The following MTPAP variants were observed in gnomAD, a reference collection of about 807,000 sequenced individuals.
MTPAP encodes poly(A) RNA polymerase, mitochondrial.
A neutral mutation model predicts 48.7 loss-of-function variants in MTPAP; 23 were observed. That is an observed-to-expected ratio of 0.47 (90% confidence interval 0.34 to 0.67). The LOEUF (loss-of-function observed/expected upper bound fraction) is 0.67, where lower values mean the gene tolerates loss of function less well. Among genes scored for constraint, MTPAP ranks in the 30% least tolerant of loss-of-function variants. The probability of loss-of-function intolerance (pLI) is 0.01; values close to 1 mark genes in which losing one functional copy is unlikely to be tolerated. For missense variants in MTPAP, 614 were observed against 694.3 expected (o/e 0.88, Z 1.30); for synonymous variants, 257 against 254.1 (o/e 1.01, Z -0.11).
At chr10:30,319,978 G>C (rs1840702716) in intron 6 of MTPAP, among the ~76,000 whole-genome samples, 1 of 152,174 alleles carries the variant, frequency 6.6e-6, no homozygotes, top group African/African-American at 2.4e-5. Flanking sequence ...TGTAGATTTG[G>C]AATTAAAAAC....
chr10:30,325,506 G>A (rs1834574737), intron 5 of MTPAP, among the ~76,000 whole-genome samples: 1 of 152,160 alleles, frequency 6.6e-6, no homozygotes. Context: ...CAGCACTCTA[G>A]GAGGCCAAAG....
At chr10:30,317,971 C>A (rs1274719673) in intron 6 of MTPAP, among the ~76,000 whole-genome samples, 2 of 152,250 alleles carry the variant, frequency 1.3e-5, no homozygotes, top group East Asian at 1.9e-4. Flanking sequence ...GATTCTCCTG[C>A]CCCAGCCTCC....
intron 4 of MTPAP, among the ~76,000 whole-genome samples, chr10:30,329,772 GAA>G (rs375054585): frequency 1.4e-5 from 2 of 147,050 alleles, no homozygotes; most frequent in Non-Finnish European, 3.0e-5. Context: ...CTGAAAGAGG[GAA>G]AAAAAAAAGA....
At chr10:30,347,522 A>G (rs1834886762) in intron 1 of MTPAP, among the ~76,000 whole-genome samples, 1 of 152,282 alleles carries the variant, frequency 6.6e-6, no homozygotes, top group Non-Finnish European at 1.5e-5. Context: ...TTCTAATGAC[A>G]CAAAATGAAA....
Position 30,322,373 on chromosome 10 carries a change from G to T in MTPAP, c.1219+18C>A. On this transcript the variant is annotated intron_variant, in intron 6 of 8. Transcript: ENST00000263063. ...AACATTGGAAAAAGAAAATGGAGAA[G>T]TTTCTTTCTAGTCTTACCTGCTAGG... 1 of 1,535,696 alleles carries T rather than the reference G, an allele frequency of 6.5e-7. No homozygotes were observed. The highest frequency in any genetic ancestry group is 9.0e-7 in the Non-Finnish European group (1 of 1,108,886).
intron 6 of MTPAP, among the ~76,000 whole-genome samples, chr10:30,321,542 A>G (rs893205433): frequency 1.3e-5 from 2 of 152,234 alleles, no homozygotes; most frequent in African/African-American, 4.8e-5. Flanking sequence ...GAAATGTTCC[A>G]AGGGTAATCA....
In MTPAP at chr10:30,341,644, T is replaced by A. The variant is rs746301548; in HGVS notation, c.158-4A>T. ...TTGGGAATCTTGTCTTCAAAGCCTA[T>A]GAACGAGACAAAAACATTTCCACCA... On this transcript the variant is annotated splice_region_variant and splice_polypyrimidine_tract_variant and intron_variant, in intron 1 of 8. Transcript: ENST00000263063. The A allele has an allele frequency of 3.1e-6, 5 of 1,613,832 alleles. No homozygotes were observed. The highest frequency in any genetic ancestry group is 4.2e-6 in the Non-Finnish European group (5 of 1,179,994).
intron 3 of MTPAP, chr10:30,339,860 A>C (rs1164313574): frequency 8.4e-6 from 2 of 239,148 alleles, no homozygotes; most frequent in African/African-American, 4.5e-5. Context: ...TGACATGAGG[A>C]AATCTACAGT....
At chr10:30,340,025 G>C (rs1475350337) in intron 3 of MTPAP, 1 of 593,668 alleles carries the variant, frequency 1.7e-6, no homozygotes, top group African/African-American at 1.9e-5. Context: ...GACATTCTTA[G>C]AAAGCTAGAA....
At chr10:30,319,405 A>T (rs1240477580) in intron 6 of MTPAP, among the ~76,000 whole-genome samples, 1 of 152,228 alleles carries the variant, frequency 6.6e-6, no homozygotes, top group Non-Finnish European at 1.5e-5. Context: ...CAAATTGATT[A>T]TTTGTATATC....
intron 1 of MTPAP, among the ~76,000 whole-genome samples, chr10:30,341,915 C>T (rs902581280): frequency 3.3e-5 from 5 of 152,234 alleles, no homozygotes; most frequent in African/African-American, 1.2e-4. Flanking sequence ...TATGATAAGG[C>T]TTAATTTATA....
Position 30,313,880 on chromosome 10 carries a change from C to T in MTPAP, c.1478G>A (p.Ser493Asn), listed in dbSNP as rs1388559021. The change falls in exon 9 of 9, where the codon AGC becomes AAC. Residue 493 changes from serine to asparagine, a missense_variant. This residue lies in a region of MTPAP where 109 missense variants were observed against 100.5 expected (regional missense o/e 1.08). Transcript: ENST00000263063. ...SLNISKNVSQSQLQKFVDLAR... is the reference protein window; with the variant it reads ...SLNISKNVSQNQLQKFVDLAR... ...CAAATCTACAAATTTTTGCAGCTGG[C>T]TTTGACTTACATTTTTGCTTATGTT... The T allele has an allele frequency of 6.2e-7, 1 of 1,614,114 alleles. No homozygotes were observed. Among genetic ancestry groups the T allele is most frequent in the East Asian group, 2.2e-5 (1 of 44,876 alleles).
chr10:30,313,299 T>C lies in MTPAP; in HGVS notation c.*310A>G, dbSNP rs1243259009. 3.0e-6 allele frequency: 1 copy of C among 330,984 alleles called. No individual in the cohort carries two copies. Among genetic ancestry groups the C allele is most frequent in the African/African-American group, 2.1e-5 (1 of 47,750 alleles). 20.5% of individuals were successfully genotyped at this position (330,984 alleles called of 1,614,324 possible). A position where few individuals can be genotyped will look rare whatever the true frequency, so the allele number is the denominator to read the frequency against. ...TTTTAGAGATGGAATCTTGCTATGT[T>C]GTCCACGATGGATTCAAAATCCTGG... On this transcript the variant is annotated 3_prime_UTR_variant, in exon 9 of 9. Transcript: ENST00000263063.
chr10:30,341,415 C>A (rs1834805227), intron 2 of MTPAP, 53 bp downstream of exon 2: 1 of 1,575,094 alleles, frequency 6.3e-7, no homozygotes, highest in East Asian at 2.3e-5. Context: ...TAATGGAGAC[C>A]TCCACCCTTG....
At chr10:30,320,105 T>A (rs1840704270) in intron 6 of MTPAP, among the ~76,000 whole-genome samples, 2 of 152,114 alleles carry the variant, frequency 1.3e-5, no homozygotes, top group South Asian at 4.1e-4. Context: ...AAAAGTTTTT[T>A]AAAAAATTAG....
In MTPAP at chr10:30,315,967, C is replaced by T. The variant is rs772000928; in HGVS notation, c.1382G>A (p.Arg461Gln). 43 of 1,590,936 alleles carry T rather than the reference C, an allele frequency of 2.7e-5. No homozygotes were observed. The East Asian group carries it at 7.6e-4, about 28-fold the overall frequency. Reference sequence around the variant, plus strand: ...AAATAGTAAAACATTATTTACCTGTCGAATATTTATGGAATTTTTATCGAA... The same window carrying T: ...AAATAGTAAAACATTATTTACCTGTTGAATATTTATGGAATTTTTATCGAA... Reference protein sequence around the residue: ...FAFDKNSINIRQGREQNKPDS... With the variant: ...FAFDKNSINIQQGREQNKPDS... Residue 461 changes from arginine (R) to glutamine (Q), a missense_variant, in exon 8 of 9, where the codon CGA becomes CAA. By Grantham distance (43) the Arg-to-Gln change is conservative. Coordinates refer to ENST00000263063, the MANE Select transcript of MTPAP (RefSeq NM_018109.4).
rs1834810191 is a variant in MTPAP, at chr10:30,341,751, T to A, written c.158-111A>T. On this transcript the variant is annotated intron_variant, in intron 1 of 8. Coordinates refer to ENST00000263063, the MANE Select transcript of MTPAP (RefSeq NM_018109.4). ...TATGACTAAAACCAACTTCACCTAATCTATTTTTTCTCTTCCTTTATAAGG... is the reference window on the plus strand; with the variant it reads ...TATGACTAAAACCAACTTCACCTAAACTATTTTTTCTCTTCCTTTATAAGG... 14 of 1,092,482 alleles carry A rather than the reference T, an allele frequency of 1.3e-5. No individual in the cohort carries two copies. In the South Asian group the frequency reaches 1.7e-4, roughly 13 times the overall value. The allele number at this position is 1,092,482 out of a possible 1,614,324, so 67.7% of individuals were successfully genotyped here. A position where few individuals can be genotyped will look rare whatever the true frequency, so the allele number is the denominator to read the frequency against.
At chr10:30,315,021 ACAAAGC>A (rs1487492420) in intron 8 of MTPAP, among the ~76,000 whole-genome samples, 1 of 152,180 alleles carries the variant, frequency 6.6e-6, no homozygotes, top group Admixed American at 6.5e-5. Context: ...ATTAACTATT[ACAAAGC>A]CAATGGTCAA....
chr10:30,342,106 C>T (rs1390166578), intron 1 of MTPAP, among the ~76,000 whole-genome samples: 15 of 152,074 alleles, frequency 9.9e-5, no homozygotes, highest in South Asian at 4.1e-4. Flanking sequence ...CATGGTGGCG[C>T]GCGCCTGTAG....
Sources: gnomAD v4.1 joint callset for allele counts (sites outside exome capture counted in the v4.1 genomes callset) on GRCh38, gnomAD v4.1.1 for gene constraint, gnomAD v4.1.1 regional missense constraint, MANE v1.5 for transcripts, NCBI Gene and HGNC (gene_info 2026-07-23, HGNC 2026-07-21) for gene names.